Variants in NFAM1 observed in about 807,000 individuals in gnomAD.
The protein encoded by NFAM1 is NFAT activation molecule 1.
Under a neutral mutation model 29.0 loss-of-function variants are expected in NFAM1, and 17 were observed. That is an observed-to-expected ratio of 0.59 (90% confidence interval 0.40 to 0.88). The LOEUF (loss-of-function observed/expected upper bound fraction) is 0.88. Ranked by LOEUF, NFAM1 falls within the 40% of genes least tolerant of loss-of-function variation. NFAM1 has a pLI of 0.00. For missense variants in NFAM1, 324 were observed against 344.6 expected (o/e 0.94, Z 0.47); for synonymous variants, 175 against 147.2 (o/e 1.19, Z -1.36).
At chr22:42,433,734 G>C (rs1930874741), upstream of NFAM1, among the ~76,000 whole-genome samples, 1 of 152,162 alleles carries the variant, frequency 6.6e-6, no homozygotes, top group Non-Finnish European at 1.5e-5. Context: ...TACCGCGCAG[G>C]GGGCAGGCGG....
rs60005859 is a variant in NFAM1 at position 42,423,550 on chromosome 22, G to GAAATAAATAAATAAATAAATAAATAAAT, written c.121+8686_121+8687insATTTATTTATTTATTTATTTATTTATTT. ...GGCAACATAGCAAGACCCCATTTCT[G>GAAATAAATAAATAAATAAATAAATAAAT]AAATAAATAAATAAATAAAATTAGC... On this transcript the variant is annotated intron_variant, in intron 1 of 5. Coordinates refer to ENST00000329021, the MANE Select transcript of NFAM1 (RefSeq NM_145912.8). Among the ~76,000 whole-genome samples the GAAATAAATAAATAAATAAATAAATAAAT allele has an allele frequency of 7.5e-4, 113 of 151,510 alleles. 1 individual carries two copies. The highest frequency in any genetic ancestry group is 9.7e-4 in the Non-Finnish European group (66 of 67,932).
chr22:42,398,407 TTATTA>T (rs1289951205), intron 3 of NFAM1, among the ~76,000 whole-genome samples: 27 of 147,830 alleles, frequency 1.8e-4, no homozygotes, highest in Non-Finnish European at 3.7e-4. Flanking sequence ...ATTATTATTA[TTATTA>T]TTATTATTAT....
rs529879100 is a variant in NFAM1, at chr22:42,385,051, G to A, written c.*110C>T. 2.1e-5 allele frequency: 17 copies of A among 816,614 alleles called. No individual in the cohort carries two copies. Among genetic ancestry groups the A allele is most frequent in the African/African-American group, 3.4e-5 (2 of 59,634 alleles). 50.6% of individuals were successfully genotyped at this position (816,614 alleles called of 1,614,324 possible). ...AGGGCCTTGAATGTGAGGGTGAAAT[G>A]ATGGGGTGTCCCTGGGGGCCTTACT... is the stretch of plus-strand genomic sequence containing the variant. On this transcript the variant is annotated 3_prime_UTR_variant, in exon 6 of 6. Coordinates refer to ENST00000329021, the MANE Select transcript of NFAM1 (RefSeq NM_145912.8).
At chr22:42,416,544 C>A (rs1327778592) in intron 1 of NFAM1, among the ~76,000 whole-genome samples, 3 of 152,178 alleles carry the variant, frequency 2.0e-5, no homozygotes, top group Non-Finnish European at 2.9e-5. Context: ...ATTTTCACCA[C>A]CAGATGGCCA....
chr22:42,404,075 C>T (rs111478498), intron 3 of NFAM1, among the ~76,000 whole-genome samples: 14,010 of 152,186 alleles, frequency 0.092, 829 homozygotes, highest in African/African-American at 0.15. Context: ...CCAGCCCCTC[C>T]GGGCAGACTT....
intron 1 of NFAM1, among the ~76,000 whole-genome samples, chr22:42,418,142 G>A (rs534787839): frequency 1.3e-5 from 2 of 152,322 alleles, no homozygotes; most frequent in East Asian, 1.9e-4. Context: ...GGGCGTTTGG[G>A]AAAAGCCCAG....
chr22:42,423,020 T>A (rs555186145), intron 1 of NFAM1, among the ~76,000 whole-genome samples: 2 of 146,766 alleles, frequency 1.4e-5, no homozygotes, highest in Admixed American at 7.1e-5. Flanking sequence ...GGCTGAGGCA[T>A]GAGAATCACT....
chr22:42,421,923 C>A (rs1433521136), intron 1 of NFAM1, among the ~76,000 whole-genome samples: 1 of 152,166 alleles, frequency 6.6e-6, no homozygotes, highest in Non-Finnish European at 1.5e-5. Flanking sequence ...TCCCAGGATG[C>A]CACAGATGAG....
chr22:42,409,531 C>T lies in NFAM1; in HGVS notation c.468G>A (p.Glu156=). The change falls in exon 3 of 6, where the codon GAG becomes GAA. Residue 156 remains glutamate (E), a synonymous_variant. Coordinates refer to ENST00000329021, the MANE Select transcript of NFAM1 (RefSeq NM_145912.8). This position sits in a 1 kb window ranked among gnomAD's most constrained non-coding sequence, Gnocchi z 4.9. Reference sequence around the variant, plus strand: ...GGAGCTTCTGTGGACTCTGCGGGGGCTCTCGGTACCCTGCGTCTAGGAGGA... The same window carrying T: ...GGAGCTTCTGTGGACTCTGCGGGGGTTCTCGGTACCCTGCGTCTAGGAGGA... ...FILVRDAGYR[E]PPQSPQKLLL... 6.5e-7 allele frequency: 1 copy of T among 1,529,984 alleles called. No individual in the cohort carries two copies. Among genetic ancestry groups the T allele is most frequent in the Non-Finnish European group, 8.8e-7 (1 of 1,137,118 alleles). The allele number at this position is 1,529,984 out of a possible 1,614,324, so 94.8% of individuals were successfully genotyped here.
rs150754152 is a variant in NFAM1, at chr22:42,383,021, G to A, written c.*2140C>T. The A allele has an allele frequency of 7.1e-3, 1,086 of 153,524 alleles. 7 individuals are homozygous for A. Among genetic ancestry groups the A allele is most frequent in the African/African-American group, 0.025 (1,038 of 41,592 alleles). 9.5% of individuals were successfully genotyped at this position (153,524 alleles called of 1,614,324 possible). A position where few individuals can be genotyped will look rare whatever the true frequency, so the allele number is the denominator to read the frequency against. ...CAAAAACCATGCAAGGTATAGAGCA[G>A]GGGAGGCCAAGGCCAGGTGTGGGTT... On this transcript the variant is annotated 3_prime_UTR_variant, in exon 6 of 6. Coordinates refer to ENST00000329021, the MANE Select transcript of NFAM1 (RefSeq NM_145912.8).
chr22:42,394,102 C>T (rs1929439329), intron 4 of NFAM1, among the ~76,000 whole-genome samples: 1 of 152,184 alleles, frequency 6.6e-6, no homozygotes. Flanking sequence ...ATGGCGCAAT[C>T]TTGGTTCACC....
At position 42,409,569 on chromosome 22, in the gene NFAM1, C is replaced by A; in HGVS notation, c.452-22G>T. ...GCGTCTAGGAGGAAGCGCAGGGGAG[C>A]AGAGGGGTCAGTGACCCAGGAGAAA... On this transcript the variant is annotated intron_variant, in intron 2 of 5. Coordinates refer to ENST00000329021, the MANE Select transcript of NFAM1 (RefSeq NM_145912.8). The surrounding 1 kb of genome is among the most constrained non-coding windows in gnomAD (Gnocchi z 4.9). 8.0e-7 allele frequency: 1 copy of A among 1,255,492 alleles called. No individual in the cohort carries two copies. Among genetic ancestry groups the A allele is most frequent in the Non-Finnish European group, 1.1e-6 (1 of 916,622 alleles). The allele number at this position is 1,255,492 out of a possible 1,614,324, so 77.8% of individuals were successfully genotyped here.
chr22:42,416,683 G>A (rs778812627), intron 1 of NFAM1, among the ~76,000 whole-genome samples: 2 of 152,214 alleles, frequency 1.3e-5, no homozygotes, highest in Non-Finnish European at 1.5e-5. Context: ...ACCCCAGGCT[G>A]AGAGGGGCTT....
chr22:42,383,532 G>C lies in NFAM1; in HGVS notation c.*1629C>G, dbSNP rs961282435. Reference sequence around the variant, plus strand: ...CTTGCAGGCGGGGGCCCAGAACCAAGTTGGGAGGCCACTGGCTGTCCTGTG... The same window carrying C: ...CTTGCAGGCGGGGGCCCAGAACCAACTTGGGAGGCCACTGGCTGTCCTGTG... On this transcript the variant is annotated 3_prime_UTR_variant, in exon 6 of 6. Coordinates refer to ENST00000329021, the MANE Select transcript of NFAM1 (RefSeq NM_145912.8). 6.5e-6 allele frequency: 1 copy of C among 152,748 alleles called. No homozygotes were observed. Among genetic ancestry groups the C allele is most frequent in the Non-Finnish European group, 1.5e-5 (1 of 68,086 alleles). 9.5% of individuals were successfully genotyped at this position (152,748 alleles called of 1,614,324 possible). A position where few individuals can be genotyped will look rare whatever the true frequency, so the allele number is the denominator to read the frequency against.
Position 42,400,259 on chromosome 22 carries a change from G to A in NFAM1, c.565-2303C>T, listed in dbSNP as rs530864524. ...CTTGACAGTTTACGAAGTCTGCTGG[G>A]ACTTGTCCTTATTTTCATTTAATTC... is the stretch of plus-strand genomic sequence containing the variant. On this transcript the variant is annotated intron_variant, in intron 3 of 5. Coordinates refer to ENST00000329021, the MANE Select transcript of NFAM1 (RefSeq NM_145912.8). Among the ~76,000 whole-genome samples the A allele has an allele frequency of 4.6e-5, 7 of 152,310 alleles. No homozygotes were observed. In the South Asian group the frequency reaches 1.4e-3, roughly 32 times the overall value.
rs1928989476 is a variant in NFAM1 at position 42,382,527 on chromosome 22, G to A, written c.*2634C>T. On this transcript the variant is annotated 3_prime_UTR_variant, in exon 6 of 6. Transcript: ENST00000329021. ...CTTCCCTCCTCCACCCATTCATAGT[G>A]GAAAGCAAGCCTGCACCCCAGGAGC... 6.6e-6 allele frequency: 1 copy of A among 152,076 alleles called. No homozygotes were observed. Among genetic ancestry groups the A allele is most frequent in the Non-Finnish European group, 1.5e-5 (1 of 68,054 alleles). 9.4% of individuals were successfully genotyped at this position (152,076 alleles called of 1,614,324 possible).
At chr22:42,397,627 G>A (rs986835494) in intron 4 of NFAM1, among the ~76,000 whole-genome samples, 3 of 152,176 alleles carry the variant, frequency 2.0e-5, no homozygotes, top group Non-Finnish European at 2.9e-5. Flanking sequence ...CAGGGCATGG[G>A]GGGCACCTGA....
upstream of NFAM1, among the ~76,000 whole-genome samples, chr22:42,436,004 G>C (rs1426597005): frequency 2.0e-5 from 3 of 151,832 alleles, no homozygotes; most frequent in East Asian, 5.8e-4. Flanking sequence ...ATTTTTAGTA[G>C]AGATAGGGTT....
In NFAM1 at chr22:42,384,572, T is replaced by C; in HGVS notation, c.*589A>G. On this transcript the variant is annotated 3_prime_UTR_variant, in exon 6 of 6. Transcript: ENST00000329021. ...CCAGATCTGTCCCTGATCCTAGTCT[T>C]GCCTCTGAGGGGTCCATCATCCTTG... 6.2e-6 allele frequency: 1 copy of C among 161,258 alleles called. No homozygotes were observed. The highest frequency in any genetic ancestry group is 1.4e-5 in the Non-Finnish European group (1 of 73,124). 10.0% of individuals were successfully genotyped at this position (161,258 alleles called of 1,614,324 possible).
Sources: gnomAD v4.1 joint callset for allele counts (sites outside exome capture counted in the v4.1 genomes callset) on GRCh38, gnomAD v4.1.1 for gene constraint, Gnocchi (gnomAD v3.1) non-coding constraint, MANE v1.5 for transcripts, NCBI Gene and HGNC (gene_info 2026-07-23, HGNC 2026-07-21) for gene names.